Variants in TMEM181 observed in about 807,000 individuals in gnomAD.
TMEM181 encodes transmembrane protein 181, also known as G protein-coupled receptor 178.
In TMEM181, 39 loss-of-function variants were observed where a neutral mutation model predicts 71.9. The observed-to-expected ratio is 0.54, with a 90% CI of 0.42 to 0.71. TMEM181 has a LOEUF of 0.71. Ranked by LOEUF, TMEM181 falls within the 30% of genes least tolerant of loss-of-function variation. The pLI is 0.00. For missense variants in TMEM181, 595 were observed against 583.0 expected (o/e 1.02, Z -0.21); for synonymous variants, 245 against 228.8 (o/e 1.07, Z -0.64).
chr6:158,607,631 C>T (rs993468243), intron 8 of TMEM181, among the ~76,000 whole-genome samples: 9 of 152,184 alleles, frequency 5.9e-5, no homozygotes, highest in African/African-American at 2.2e-4. Context: ...GATGACACCA[C>T]TTCACTCCAG....
At chr6:158,596,629 G>A (rs749827314) in intron 6 of TMEM181, among the ~76,000 whole-genome samples, 3 of 152,128 alleles carry the variant, frequency 2.0e-5, no homozygotes, top group Non-Finnish European at 4.4e-5. Flanking sequence ...TCCTGTATTA[G>A]TCTGTTTTCA....
intron 3 of TMEM181, among the ~76,000 whole-genome samples, chr6:158,583,523 C>G (rs182280897): frequency 1.3e-5 from 2 of 152,138 alleles, no homozygotes; most frequent in African/African-American, 4.8e-5. Flanking sequence ...ACCTCATGGC[C>G]GGGCGCAGTG....
intron 10 of TMEM181, among the ~76,000 whole-genome samples, chr6:158,619,056 G>A (rs1785793324): frequency 6.6e-6 from 1 of 152,240 alleles, no homozygotes; most frequent in South Asian, 2.1e-4. Context: ...GGTTGGGGAA[G>A]TTCTCCTGGG....
At chr6:158,625,824 C>T (rs1038865056) in intron 13 of TMEM181, 70 bp downstream of exon 13, 10 of 1,392,658 alleles carry the variant, frequency 7.2e-6, no homozygotes, top group Non-Finnish European at 1.0e-5. Flanking sequence ...TATCTGTTGC[C>T]TCCTTTTGTG....
chr6:158,624,273 C>T (rs1000844990), intron 11 of TMEM181, among the ~76,000 whole-genome samples: 6 of 152,214 alleles, frequency 3.9e-5, no homozygotes, highest in Non-Finnish European at 7.3e-5. Flanking sequence ...GTGCTAAACA[C>T]GCTGGTCTAG....
intron 12 of TMEM181, among the ~76,000 whole-genome samples, chr6:158,625,458 C>T (rs1409907675): frequency 2.6e-5 from 4 of 152,102 alleles, no homozygotes; most frequent in Non-Finnish European, 4.4e-5. Flanking sequence ...GCGAGTCACC[C>T]TGAGCTTGCG....
Position 158,631,399 on chromosome 6 carries a change from T to G in TMEM181, c.1349+10T>G, listed in dbSNP as rs1165195361. On this transcript the variant is annotated intron_variant, in intron 16 of 16. Coordinates refer to ENST00000684151, the MANE Select transcript of TMEM181 (RefSeq NM_001376852.1). ...ATGATGTGATTTATGGGTAAGTCCC[T>G]GTCCGTTAGAAGGCCGGCACACCTT... 1 of 1,614,076 alleles carries G rather than the reference T, an allele frequency of 6.2e-7. No homozygotes were observed.
chr6:158,613,741 C>A (rs1025164188), intron 10 of TMEM181, among the ~76,000 whole-genome samples: 3 of 152,240 alleles, frequency 2.0e-5, no homozygotes, highest in South Asian at 2.1e-4. Flanking sequence ...TATATTCTTA[C>A]CGCACTGATG....
intron 16 of TMEM181, 45 bp downstream of exon 16, chr6:158,631,434 G>GGTGT: frequency 1.9e-6 from 3 of 1,593,688 alleles, no homozygotes; most frequent in Non-Finnish European, 2.6e-6. Flanking sequence ...TGGGCATCCC[G>GGTGT]GCACGGCCTT....
intron 6 of TMEM181, among the ~76,000 whole-genome samples, chr6:158,596,147 C>T (rs948483330): frequency 1.3e-5 from 2 of 152,116 alleles, no homozygotes; most frequent in African/African-American, 4.8e-5. Flanking sequence ...GTCTTGATCT[C>T]CTGACCTCAT....
At chr6:158,576,442 C>T (rs138270024) in intron 2 of TMEM181, among the ~76,000 whole-genome samples, 43 of 152,196 alleles carry the variant, frequency 2.8e-4, no homozygotes, top group African/African-American at 8.4e-4. Context: ...CGCTGGCTAA[C>T]GTTACTTCCA....
chr6:158,552,841 T>C (rs2128281727), intron 1 of TMEM181, among the ~76,000 whole-genome samples: 1 of 129,824 alleles, frequency 7.7e-6, no homozygotes, highest in African/African-American at 2.9e-5. Context: ...TGAAAAAACA[T>C]TTCTGTCTTG....
chr6:158,556,959 C>T (rs949417642), upstream of TMEM181, among the ~76,000 whole-genome samples: 8 of 152,138 alleles, frequency 5.3e-5, no homozygotes, highest in Admixed American at 3.9e-4. Flanking sequence ...AAGCTGGTCT[C>T]AAACTCCTGA....
At chr6:158,576,314 C>T (rs147041073) in intron 2 of TMEM181, among the ~76,000 whole-genome samples, 495 of 152,280 alleles carry the variant, frequency 3.3e-3, no homozygotes, top group African/African-American at 0.011. Flanking sequence ...GGACCCTGTC[C>T]TCCAGATAGT....
At chr6:158,630,825 C>T (rs1786618287) in intron 15 of TMEM181, among the ~76,000 whole-genome samples, 1 of 152,082 alleles carries the variant, frequency 6.6e-6, no homozygotes, top group South Asian at 2.1e-4. Context: ...TAGGCAGCCC[C>T]CCGCACCCCC....
intron 1 of TMEM181, among the ~76,000 whole-genome samples, chr6:158,571,592 C>T (rs1262521804): frequency 6.6e-6 from 1 of 152,186 alleles, no homozygotes; most frequent in Admixed American, 6.5e-5. Context: ...GCCACCGCGC[C>T]CGGCCATCTG....
intron 13 of TMEM181, among the ~76,000 whole-genome samples, chr6:158,627,135 A>C (rs576013147): frequency 1.6e-5 from 2 of 128,260 alleles, no homozygotes; most frequent in African/African-American, 6.1e-5. Context: ...ACCCTTGCTC[A>C]CACACCTTAC....
At chr6:158,545,775 C>T (rs757209200) in intron 1 of TMEM181, among the ~76,000 whole-genome samples, 17 of 151,884 alleles carry the variant, frequency 1.1e-4, no homozygotes, top group Non-Finnish European at 2.2e-4. Flanking sequence ...ACTACAGTCT[C>T]GAACTTCTGG....
exon 1 of TMEM181, chr6:158,536,700 G>C (rs572540750): frequency 6.5e-7 from 1 of 1,542,582 alleles, no homozygotes; most frequent in African/African-American, 1.4e-5. Context: ...ACAAAGGGTG[G>C]AGCGGCGGGA....
Sources: gnomAD v4.1 joint callset for allele counts (sites outside exome capture counted in the v4.1 genomes callset) on GRCh38, gnomAD v4.1.1 for gene constraint, MANE v1.5 for transcripts, NCBI Gene and HGNC (gene_info 2026-07-23, HGNC 2026-07-21) for gene names.